ZPLD1: variants seen among roughly 807,000 people sequenced by gnomAD.
ZPLD1 encodes the protein zona pellucida like domain containing 1.
ZPLD1 carries 34 observed loss-of-function variants against 47.2 expected under a neutral mutation model. The ratio of observed to expected loss-of-function variants is 0.72; its 90% CI spans 0.55 to 0.96. The LOEUF is 0.96. Among genes scored for constraint, ZPLD1 ranks in the 40% least tolerant of loss-of-function variants. The pLI is 0.00. For synonymous variants in ZPLD1, 176 were observed against 186.2 expected (o/e 0.95, Z 0.45); for missense variants, 512 against 505.8 (o/e 1.01, Z -0.12).
chr3:102,432,850 C>G (rs941004258), upstream of ZPLD1, among the ~76,000 whole-genome samples: 2 of 152,086 alleles, frequency 1.3e-5, no homozygotes, highest in Non-Finnish European at 2.9e-5. Context: ...CTGGGTTGTT[C>G]ATAATCAATG....
chr3:102,433,147 A>G (rs1268589232), upstream of ZPLD1, among the ~76,000 whole-genome samples: 1 of 152,214 alleles, frequency 6.6e-6, no homozygotes, highest in African/African-American at 2.4e-5. Flanking sequence ...ACACATATAA[A>G]CATTCAATAA....
At chr3:102,471,122 T>A (rs1228169900) in intron 10 of ZPLD1, among the ~76,000 whole-genome samples, 1 of 152,226 alleles carries the variant, frequency 6.6e-6, no homozygotes, top group Non-Finnish European at 1.5e-5. Context: ...TTCACCGTCC[T>A]CTGCCCTGCT....
intron 7 of ZPLD1, 65 bp from the exon 8 acceptor site, chr3:102,464,106 G>T: frequency 9.4e-7 from 1 of 1,068,796 alleles, no homozygotes; most frequent in Non-Finnish European, 1.4e-6. Context: ...TACTTCCCTT[G>T]TATTAGTAAC....
intron 3 of ZPLD1, among the ~76,000 whole-genome samples, chr3:102,447,362 C>A (rs1386114687): frequency 6.6e-6 from 1 of 152,174 alleles, no homozygotes; most frequent in Non-Finnish European, 1.5e-5. Context: ...CCACACCTGG[C>A]CTCCCCATCC....
intron 10 of ZPLD1, 31 bp downstream of exon 10, chr3:102,470,533 A>C (rs1391149103): frequency 2.5e-6 from 4 of 1,581,806 alleles, no homozygotes; most frequent in Non-Finnish European, 3.5e-6. Context: ...GTATGTAGTA[A>C]TAGACGGTTC....
intron 3 of ZPLD1, among the ~76,000 whole-genome samples, chr3:102,439,699 A>C (rs528325600): frequency 3.9e-4 from 59 of 152,288 alleles, no homozygotes; most frequent in African/African-American, 1.2e-3. Context: ...CTTTGTCCTT[A>C]CCACTCCCAT....
At chr3:102,452,481 G>A (rs1452021956) in intron 3 of ZPLD1, among the ~76,000 whole-genome samples, 2 of 152,030 alleles carry the variant, frequency 1.3e-5, no homozygotes, top group African/African-American at 2.4e-5. Context: ...GGTTTAGGGT[G>A]GATTTCAACT....
chr3:102,469,232 T>A, intron 9 of ZPLD1, 97 bp downstream of exon 9: 3 of 1,284,976 alleles, frequency 2.3e-6, no homozygotes, highest in Non-Finnish European at 3.2e-6. Flanking sequence ...AAAGTGGATA[T>A]GTGTTAGATC....
intron 8 of ZPLD1, among the ~76,000 whole-genome samples, chr3:102,428,873 C>A (rs1001228015): frequency 1.3e-5 from 2 of 151,802 alleles, no homozygotes; most frequent in Non-Finnish European, 2.9e-5. Context: ...TTAAGTAGGT[C>A]AAATTCTTTA....
intron 7 of ZPLD1, among the ~76,000 whole-genome samples, chr3:102,411,043 G>T (rs888497381): frequency 3.3e-5 from 5 of 151,766 alleles, no homozygotes; most frequent in South Asian, 2.1e-4. Flanking sequence ...AGAAAGAATT[G>T]TGTCTGCTTG....
chr3:102,418,987 G>A (rs1382870344), intron 8 of ZPLD1, among the ~76,000 whole-genome samples: 5 of 151,984 alleles, frequency 3.3e-5, no homozygotes, highest in Non-Finnish European at 7.4e-5. Context: ...TTGGTGTTAA[G>A]GAAGAGACTA....
At chr3:102,396,756 T>A (rs549144579) in intron 7 of ZPLD1, among the ~76,000 whole-genome samples, 1 of 152,244 alleles carries the variant, frequency 6.6e-6, no homozygotes, top group African/African-American at 2.4e-5. Flanking sequence ...TTACGCTCTT[T>A]CCTCTTTCCA....
chr3:102,434,654 G>A (rs1218539153), upstream of ZPLD1, among the ~76,000 whole-genome samples: 1 of 152,036 alleles, frequency 6.6e-6, no homozygotes, highest in Non-Finnish European at 1.5e-5. Context: ...TATCTTCAAG[G>A]CCATTATCAT....
intron 7 of ZPLD1, among the ~76,000 whole-genome samples, chr3:102,403,935 C>T (rs1706653533): frequency 6.6e-6 from 1 of 151,918 alleles, no homozygotes; most frequent in South Asian, 2.1e-4. Flanking sequence ...TATTTCTTTC[C>T]TCTGTTGGCA....
intron 7 of ZPLD1, among the ~76,000 whole-genome samples, chr3:102,408,331 A>G (rs968589179): frequency 6.6e-6 from 1 of 151,884 alleles, no homozygotes; most frequent in Admixed American, 6.6e-5. Context: ...GTAACACTGA[A>G]AAGCCCAACC....
rs779756949 is a variant in ZPLD1 at position 102,477,616 on chromosome 3, T to G, written c.1246T>G (p.Ter416GlyextTer2). Residue 416 changes from the stop codon to glycine, a stop_lost, in exon 12 of 12, where the codon TGA becomes GGA. Coordinates refer to ENST00000466937, the MANE Select transcript of ZPLD1 (RefSeq NM_001329788.2). ...LNGIRNPVFD[*>G] ...TGGCATAAGAAACCCAGTCTTTGAC[T>G]GACTATAACAGATTCCTGCTCTCTG... 4.3e-6 allele frequency: 7 copies of G among 1,609,658 alleles called. No individual in the cohort carries two copies. In the African/African-American group the frequency reaches 9.4e-5, roughly 22 times the overall value.
chr3:102,389,951 C>T (rs1397589847), intron 6 of ZPLD1, among the ~76,000 whole-genome samples: 1 of 152,054 alleles, frequency 6.6e-6, no homozygotes, highest in African/African-American at 2.4e-5. Context: ...GGGTTGATAG[C>T]ATATTGGATA....
chr3:102,401,669 T>G (rs1706621531), intron 7 of ZPLD1, among the ~76,000 whole-genome samples: 1 of 152,126 alleles, frequency 6.6e-6, no homozygotes, highest in Non-Finnish European at 1.5e-5. Context: ...AATTTTAATT[T>G]ACTAGTTTTG....
intron 10 of ZPLD1, 28 bp downstream of exon 10, chr3:102,470,530 G>C (rs761312637): frequency 6.3e-7 from 1 of 1,580,552 alleles, no homozygotes; most frequent in Non-Finnish European, 8.7e-7. Context: ...TCTGTATGTA[G>C]TAATAGACGG....
Sources: gnomAD v4.1 joint callset for allele counts (sites outside exome capture counted in the v4.1 genomes callset) on GRCh38, gnomAD v4.1.1 for gene constraint, MANE v1.5 for transcripts, NCBI Gene and HGNC (gene_info 2026-07-23, HGNC 2026-07-21) for gene names.